Variants in EFL1 observed in about 807,000 individuals in gnomAD.
EFL1 encodes elongation factor-like GTPase 1.
A neutral mutation model predicts 126.7 loss-of-function variants in EFL1; 76 were observed. That is an observed-to-expected ratio of 0.60 (90% CI 0.50 to 0.73). The LOEUF is 0.73. Among genes scored for constraint, EFL1 ranks in the 30% least tolerant of loss-of-function variants. The pLI is 0.00. For synonymous variants in EFL1, 410 were observed against 448.4 expected, an observed-to-expected ratio of 0.91 and a Z score of 1.08; for missense variants, 1,128 against 1,343.2, an observed-to-expected ratio of 0.84 and a Z score of 2.50.
In EFL1 at chr15:82,151,498, T is replaced by A; in HGVS notation, c.2956A>T (p.Thr986Ser). 1 of 1,613,438 alleles carries A rather than the reference T, an allele frequency of 6.2e-7. No homozygotes were observed. Among genetic ancestry groups the A allele is most frequent in the South Asian group, 1.1e-5 (1 of 90,932 alleles). Reference protein sequence around the residue: ...KPQRLMAAMYTCDIMATGDVL... With the variant: ...KPQRLMAAMYSCDIMATGDVL... ...TCACCAGTGGCCATGATGTCACATG[T>A]GTACATAGCTGCCATCAGGCGCTGA... Residue 986 changes from threonine (T) to serine (S), a missense_variant, in exon 18 of 20, where the codon ACA (threonine) becomes TCA (serine). Around this residue, in one of 6 missense-constraint regions of EFL1, gnomAD observed 561 missense variants for 641.7 expected, o/e 0.87. Coordinates refer to ENST00000268206, the MANE Select transcript of EFL1 (RefSeq NM_024580.6).
chr15:82,258,089 T>G (rs1436927130), intron 3 of EFL1, among the ~76,000 whole-genome samples: 1 of 152,194 alleles, frequency 6.6e-6, no homozygotes, highest in African/African-American at 2.4e-5. Context: ...GGATTCAATT[T>G]TGCTTCTCCG....
intron 8 of EFL1, among the ~76,000 whole-genome samples, chr15:82,230,082 G>C (rs2074805447): frequency 6.6e-6 from 1 of 152,126 alleles, no homozygotes; most frequent in African/African-American, 2.4e-5. Context: ...GGCAAGGGAA[G>C]ATGTTCATGA....
At position 82,230,898 on chromosome 15, in the gene EFL1, C is replaced by T. The variant is rs369097223; in HGVS notation, c.805G>A (p.Gly269Arg). ...GCCTTCATATTTATATAGTAATCTC[C>T]CCACAAGGTTTTCATAAGAACTTCC... The part of the protein sequence containing the change: ...KKEVLMKTLW[G>R]DYYINMKAKK... The change falls in exon 8 of 20, where the codon GGA (glycine) becomes AGA (arginine). Residue 269 changes from glycine (G) to arginine (R), a missense_variant. Coordinates refer to ENST00000268206, the MANE Select transcript of EFL1 (RefSeq NM_024580.6). 91 of 1,613,316 alleles carry T rather than the reference C, an allele frequency of 5.6e-5. No homozygotes were observed. The highest frequency in any genetic ancestry group is 7.5e-5 in the Non-Finnish European group (88 of 1,179,612).
At chr15:82,231,101 A>G (rs1412751850) in intron 7 of EFL1, 130 bp from the exon 8 acceptor site, 38 of 1,116,126 alleles carry the variant, frequency 3.4e-5, no homozygotes, top group African/African-American at 4.7e-5. Flanking sequence ...TCCTCATTTT[A>G]CAGAAAAGGG....
intron 15 of EFL1, among the ~76,000 whole-genome samples, chr15:82,185,722 T>C (rs931082539): frequency 3.9e-5 from 6 of 152,204 alleles, no homozygotes; most frequent in African/African-American, 1.2e-4. Flanking sequence ...ACCTCTTTAA[T>C]AGTAAAAGCA....
chr15:82,256,596 A>G (rs1449639387), intron 3 of EFL1, among the ~76,000 whole-genome samples: 1 of 152,226 alleles, frequency 6.6e-6, no homozygotes, highest in African/African-American at 2.4e-5. Flanking sequence ...TTAACACTTC[A>G]TCATTAAGTT....
chr15:82,198,649 A>C (rs918642583), intron 15 of EFL1, among the ~76,000 whole-genome samples: 4 of 152,172 alleles, frequency 2.6e-5, no homozygotes, highest in African/African-American at 9.7e-5. Context: ...ACAGTGGAAA[A>C]GGTGAGGAAG....
At chr15:82,244,774 A>G (rs532602807) in intron 4 of EFL1, among the ~76,000 whole-genome samples, 62 of 152,194 alleles carry the variant, frequency 4.1e-4, no homozygotes, top group Non-Finnish European at 7.3e-4. Context: ...ATTTGTCACT[A>G]GGACCTGCCA....
At chr15:82,175,431 G>A (rs1367853332) in intron 15 of EFL1, among the ~76,000 whole-genome samples, 1 of 152,108 alleles carries the variant, frequency 6.6e-6, no homozygotes, top group Non-Finnish European at 1.5e-5. Context: ...TGTTATTGTG[G>A]ACTGAAAAAA....
chr15:82,138,077 C>T (rs2073741011), intron 19 of EFL1, among the ~76,000 whole-genome samples: 1 of 152,102 alleles, frequency 6.6e-6, no homozygotes, highest in South Asian at 2.1e-4. Context: ...TTTCACCTAC[C>T]TTTACCTACA....
chr15:82,228,790 T>C (rs956607068), intron 9 of EFL1, among the ~76,000 whole-genome samples: 1 of 152,226 alleles, frequency 6.6e-6, no homozygotes, highest in Admixed American at 6.5e-5. Flanking sequence ...TTTCTTTCTA[T>C]CCTTTCATCT....
rs2074814361 is a variant in EFL1, at chr15:82,230,858, T to G, written c.845A>C (p.Lys282Thr). 1 of 1,611,630 alleles carries G rather than the reference T, an allele frequency of 6.2e-7. No individual in the cohort carries two copies. The highest frequency in any genetic ancestry group is 1.1e-5 in the South Asian group (1 of 90,462). ...CATATACCACATTACCTGATCACCC[T>G]TCATGATCTTTTTAGCCTTCATATT... ...YINMKAKKIM[K>T]GDQAKGKKPL... Residue 282 changes from lysine to threonine, a missense_variant, in exon 8 of 20, where the codon AAG (lysine) becomes ACG (threonine). Transcript: ENST00000268206.
intron 15 of EFL1, among the ~76,000 whole-genome samples, chr15:82,167,497 A>G (rs2074091860): frequency 6.6e-6 from 1 of 152,208 alleles, no homozygotes; most frequent in Admixed American, 6.5e-5. Context: ...AATTTCAGAA[A>G]GAAATATTAA....
At chr15:82,226,932 TAA>T (rs2074769969) in intron 11 of EFL1, among the ~76,000 whole-genome samples, 1 of 152,120 alleles carries the variant, frequency 6.6e-6, no homozygotes, top group African/African-American at 2.4e-5. Context: ...AATGGAAGCC[TAA>T]AAGTCAAGGG....
At chr15:82,224,754 C>G (rs895699712) in intron 12 of EFL1, among the ~76,000 whole-genome samples, 1 of 152,192 alleles carries the variant, frequency 6.6e-6, no homozygotes, top group East Asian at 1.9e-4. Context: ...CCCTCTCCTA[C>G]ACCTATCACA....
intron 18 of EFL1, among the ~76,000 whole-genome samples, chr15:82,142,660 A>T (rs2073802042): frequency 6.6e-6 from 1 of 152,180 alleles, no homozygotes; most frequent in South Asian, 2.1e-4. Flanking sequence ...CACTATAAAT[A>T]TCTCAGCCTG....
chr15:82,140,786 GAAACCTCATAGTTAC>G (rs1343412068), intron 18 of EFL1, among the ~76,000 whole-genome samples: 2 of 152,266 alleles, frequency 1.3e-5, no homozygotes, highest in Non-Finnish European at 2.9e-5. Flanking sequence ...ATTCATACCA[GAAACCTCATAGTTAC>G]AGAATCACAC....
intron 15 of EFL1, among the ~76,000 whole-genome samples, chr15:82,207,272 A>G (rs372223094): frequency 2.1e-5 from 3 of 141,088 alleles, no homozygotes; most frequent in East Asian, 3.9e-4. Flanking sequence ...ACATATATAT[A>G]TATTTATGTG....
chr15:82,251,207 G>A (rs1161788122), intron 4 of EFL1, among the ~76,000 whole-genome samples: 7 of 152,114 alleles, frequency 4.6e-5, no homozygotes, highest in South Asian at 2.1e-4. Context: ...GCAAGACTCC[G>A]TCTCAAAAAA....
Sources: allele counts gnomAD v4.1 joint callset (sites outside exome capture counted in the v4.1 genomes callset), GRCh38; gene constraint gnomAD v4.1.1; regional missense constraint gnomAD v4.1.1; transcripts MANE v1.5; gene names NCBI Gene and HGNC (gene_info 2026-07-23, HGNC 2026-07-21).